The following SLC6A13 variants were observed in gnomAD, a reference collection of about 807,000 sequenced individuals.
SLC6A13 encodes sodium- and chloride-dependent GABA transporter 2.
In SLC6A13, 69 loss-of-function variants were observed where a neutral mutation model predicts 72.9. The ratio of observed to expected loss-of-function variants is 0.95; its 90% CI spans 0.78 to 1.16. The LOEUF (loss-of-function observed/expected upper bound fraction) is 1.16. SLC6A13 is among the 50% of genes most tolerant of loss of function. SLC6A13 has a pLI of 0.00. For missense variants in SLC6A13, 735 were observed against 760.5 expected (o/e 0.97, Z 0.39); for synonymous variants, 303 against 303.0 (o/e 1.00, Z 0.00).
intron 4 of SLC6A13, chr12:238,414 G>C: frequency 9.3e-7 from 1 of 1,074,926 alleles, no homozygotes; most frequent in Non-Finnish European, 1.3e-6. Context: ...GCTCTGGCTT[G>C]AATGCTGACC....
rs1252082123 is a variant in SLC6A13, at chr12:260,058, C to T, written c.-5-1G>A. Reference sequence around the variant, plus strand: ...CCTGAGACCCTGCTATCCATCCCACCTGGAAAACAAGTGGGATGCTCTGTT... The same window carrying T: ...CCTGAGACCCTGCTATCCATCCCACTTGGAAAACAAGTGGGATGCTCTGTT... On this transcript the variant is annotated splice_acceptor_variant, in intron 1 of 14. Coordinates refer to ENST00000343164, the MANE Select transcript of SLC6A13 (RefSeq NM_016615.5). LOFTEE classifies it low-confidence loss of function (5UTR_SPLICE). 3.1e-6 allele frequency: 5 copies of T among 1,611,080 alleles called. No homozygotes were observed. Among genetic ancestry groups the T allele is most frequent in the Non-Finnish European group, 4.2e-6 (5 of 1,177,534 alleles).
intron 8 of SLC6A13, 54 bp downstream of exon 8, chr12:227,511 G>T: frequency 1.9e-6 from 3 of 1,610,044 alleles, no homozygotes; most frequent in Non-Finnish European, 2.5e-6. Context: ...AGCGTGGCTG[G>T]AAGGACAGTA....
chr12:230,708 A>C (rs1941674668), intron 7 of SLC6A13, among the ~76,000 whole-genome samples: 1 of 152,134 alleles, frequency 6.6e-6, no homozygotes, highest in African/African-American at 2.4e-5. Context: ...GCTCCCCCAC[A>C]TGCTGGTTTT....
intron 6 of SLC6A13, 129 bp downstream of exon 6, chr12:237,029 A>G: frequency 2.0e-6 from 2 of 985,726 alleles, no homozygotes; most frequent in Non-Finnish European, 1.5e-6. Flanking sequence ...GAAGGGAGCC[A>G]CATCAAATCC....
At chr12:253,189 A>G (rs1181940903) in intron 2 of SLC6A13, among the ~76,000 whole-genome samples, 1 of 151,898 alleles carries the variant, frequency 6.6e-6, no homozygotes, top group East Asian at 1.9e-4. Flanking sequence ...GAAAGCAATC[A>G]CTCTCTTGGC....
intron 11 of SLC6A13, among the ~76,000 whole-genome samples, chr12:223,578 G>A (rs1941311306): frequency 6.6e-6 from 1 of 152,050 alleles, no homozygotes; most frequent in Non-Finnish European, 1.5e-5. Flanking sequence ...CTGTCAAGCT[G>A]ACAAGCTCCG....
chr12:242,599 G>A lies in SLC6A13; in HGVS notation c.478+15C>T. On this transcript the variant is annotated intron_variant, in intron 4 of 14. Coordinates refer to ENST00000343164, the MANE Select transcript of SLC6A13 (RefSeq NM_016615.5). ...GAACGAGAGGAGGAAGTGGACCCTT[G>A]GGTGAGGACCATACCTGTGTTCCAC... 6.2e-7 allele frequency: 1 copy of A among 1,610,544 alleles called. No individual in the cohort carries two copies. The highest frequency in any genetic ancestry group is 1.3e-5 in the African/African-American group (1 of 74,968).
At chr12:222,701 G>A (rs1224342217) in intron 12 of SLC6A13, 69 bp from the exon 13 acceptor site, 4 of 922,888 alleles carry the variant, frequency 4.3e-6, no homozygotes, top group Non-Finnish European at 6.9e-6. Flanking sequence ...TCAGGATGGG[G>A]CCACAAACAG....
intron 4 of SLC6A13, among the ~76,000 whole-genome samples, chr12:238,838 C>A (rs529577429): frequency 1.3e-5 from 2 of 152,098 alleles, no homozygotes; most frequent in Non-Finnish European, 2.9e-5. Flanking sequence ...TACCACCACC[C>A]GGTACAGGGT....
At chr12:239,217 CATGGGTT>C (rs1942066897) in intron 4 of SLC6A13, among the ~76,000 whole-genome samples, 1 of 102,008 alleles carries the variant, frequency 9.8e-6, no homozygotes, top group Non-Finnish European at 2.4e-5. Context: ...TCCCTGCACA[CATGGGTT>C]GTGTTGGATC....
chr12:224,408 T>A lies in SLC6A13; in HGVS notation c.1166A>T (p.Asp389Val). ...GTGGCTGCCTCTTGATACCTGGCTA[T>A]CCAGTCCCAGGAGAACGACCATGAA... ...FFFMVVLLGL[D>V]SQFVCVESLV... is the part of the protein sequence containing the mutation. The change falls in exon 10 of 15, where the codon GAT (aspartate) becomes GTT (valine). Residue 389 changes from aspartate to valine, a missense_variant. Coordinates refer to ENST00000343164, the MANE Select transcript of SLC6A13 (RefSeq NM_016615.5). 6.2e-7 allele frequency: 1 copy of A among 1,613,708 alleles called. No homozygotes were observed. The highest frequency in any genetic ancestry group is 8.5e-7 in the Non-Finnish European group (1 of 1,179,604).
At chr12:238,085 G>GA in intron 4 of SLC6A13, 75 bp from the exon 5 acceptor site, 1 of 1,581,612 alleles carries the variant, frequency 6.3e-7, no homozygotes, top group Admixed American at 1.7e-5. Context: ...AGAGTGGGGT[G>GA]AAATTCTAGG....
chr12:250,317 G>T (rs993955661), intron 2 of SLC6A13, among the ~76,000 whole-genome samples: 5 of 152,144 alleles, frequency 3.3e-5, no homozygotes, highest in African/African-American at 9.6e-5. Flanking sequence ...GGAATTAAAG[G>T]TTATTCCGAT....
At chr12:233,709 A>T (rs926051353) in intron 7 of SLC6A13, among the ~76,000 whole-genome samples, 2 of 152,136 alleles carry the variant, frequency 1.3e-5, no homozygotes, top group African/African-American at 4.8e-5. Context: ...GACACCCTTG[A>T]GTAAGGACTG....
intron 8 of SLC6A13, 197 bp downstream of exon 8, chr12:227,368 T>A (rs1390364285): frequency 1.9e-6 from 1 of 523,998 alleles, no homozygotes; most frequent in Non-Finnish European, 2.4e-6. Context: ...TATCCCACCC[T>A]TTCGGATGCA....
rs549058734 is a variant in SLC6A13 at position 245,153 on chromosome 12, A to G, written c.203-1340T>C. Among the ~76,000 whole-genome samples the G allele has an allele frequency of 9.8e-5, 15 of 152,362 alleles. No individual in the cohort carries two copies. The East Asian group carries it at 2.7e-3, about 27-fold the overall frequency. On this transcript the variant is annotated intron_variant, in intron 2 of 14. Transcript: ENST00000343164. ...ATGTGTGAGAAAACTGAGGTGAGGG[A>G]AAGAACCATTCAAAATGATTAAAAG...
At chr12:223,898 C>G in intron 11 of SLC6A13, 94 bp downstream of exon 11, 3 of 1,459,242 alleles carry the variant, frequency 2.1e-6, no homozygotes, top group Non-Finnish European at 1.9e-6. Flanking sequence ...GAAGACCTGC[C>G]CTGACCGGGA....
chr12:241,507 A>G (rs150817033), intron 4 of SLC6A13, among the ~76,000 whole-genome samples: 277 of 152,288 alleles, frequency 1.8e-3, no homozygotes, highest in African/African-American at 6.5e-3. Context: ...TGGCTGTTTA[A>G]GTTAACATTC....
intron 1 of SLC6A13, among the ~76,000 whole-genome samples, chr12:260,755 C>G (rs1942899792): frequency 1.3e-5 from 2 of 152,116 alleles, no homozygotes; most frequent in African/African-American, 4.8e-5. Flanking sequence ...TATGATCATG[C>G]TTGACAAATA....
Sources: allele counts gnomAD v4.1 joint callset (sites outside exome capture counted in the v4.1 genomes callset), GRCh38; gene constraint gnomAD v4.1.1; transcripts MANE v1.5; gene names NCBI Gene and HGNC (gene_info 2026-07-23, HGNC 2026-07-21).